Variants in ARHGAP15 observed in about 807,000 individuals in gnomAD.
ARHGAP15 encodes the protein Rho GTPase activating protein 15, also known as rho GTPase-activating protein 15.
ARHGAP15 carries 51 observed loss-of-function variants against 63.7 expected under a neutral mutation model. The observed-to-expected ratio is 0.80, with a 90% CI of 0.64 to 1.01. ARHGAP15 has a LOEUF of 1.01. ARHGAP15 is among the 50% of genes least tolerant of loss of function. The probability of loss-of-function intolerance (pLI) is 0.00; values close to 1 mark genes in which losing one functional copy is unlikely to be tolerated. For synonymous variants in ARHGAP15, 191 were observed against 193.8 expected (o/e 0.99, Z 0.12); for missense variants, 560 against 564.6 (o/e 0.99, Z 0.08).
At chr2:143,587,664 C>G in intron 11 of ARHGAP15, 1 of 462,578 alleles carries the variant, frequency 2.2e-6, no homozygotes, top group Non-Finnish European at 4.5e-6. Flanking sequence ...CCTTCCTTTC[C>G]TTTGTCTTCT....
intron 10 of ARHGAP15, among the ~76,000 whole-genome samples, chr2:143,522,387 C>A (rs934265415): frequency 6.6e-6 from 1 of 152,136 alleles, no homozygotes; most frequent in African/African-American, 2.4e-5. Flanking sequence ...TTCCCGCTTG[C>A]CTTGCCTTTA....
chr2:143,136,721 A>T (rs1273006258), intron 1 of ARHGAP15, among the ~76,000 whole-genome samples: 2 of 152,112 alleles, frequency 1.3e-5, no homozygotes, highest in Non-Finnish European at 2.9e-5. Flanking sequence ...CTCCTTTTAT[A>T]TTACATTTTG....
intron 5 of ARHGAP15, among the ~76,000 whole-genome samples, chr2:143,242,681 A>C (rs1017398197): frequency 6.6e-6 from 1 of 152,232 alleles, no homozygotes; most frequent in African/African-American, 2.4e-5. Context: ...TGTTATTATT[A>C]ACATCATTTA....
chr2:143,695,424 C>T, intron 12 of ARHGAP15, among the ~76,000 whole-genome samples: 1 of 152,096 alleles, frequency 6.6e-6, no homozygotes, highest in East Asian at 1.9e-4. Flanking sequence ...GGAGTGTCAG[C>T]CACTGCCTTA....
intron 9 of ARHGAP15, among the ~76,000 whole-genome samples, chr2:143,514,089 C>T (rs1355217995): frequency 1.3e-5 from 2 of 152,292 alleles, no homozygotes; most frequent in South Asian, 4.1e-4. Context: ...TTTTTTTACA[C>T]GTATCTGCAA....
At chr2:143,350,838 CAAAAAAAAAAAAAA>C (rs59616405) in intron 6 of ARHGAP15, 3 of 57,730 alleles carry the variant, frequency 5.2e-5, no homozygotes, top group Non-Finnish European at 8.9e-5. Context: ...GACTCAGTCT[CAAAAAAAAAAAAAA>C]AAAAAAAAAA....
At chr2:143,651,648 A>G (rs72994430) in intron 12 of ARHGAP15, among the ~76,000 whole-genome samples, 8 of 152,132 alleles carry the variant, frequency 5.3e-5, no homozygotes, top group African/African-American at 1.9e-4. Context: ...GCCAAACTGT[A>G]TTGCAGAGTA....
At chr2:143,282,316 A>C (rs1681890012) in intron 6 of ARHGAP15, among the ~76,000 whole-genome samples, 1 of 152,078 alleles carries the variant, frequency 6.6e-6, no homozygotes, top group Non-Finnish European at 1.5e-5. Context: ...GTTTGTTTGC[A>C]TACTGCTGAT....
chr2:143,518,104 G>T (rs1221318164), intron 9 of ARHGAP15, among the ~76,000 whole-genome samples: 1 of 152,130 alleles, frequency 6.6e-6, no homozygotes, highest in East Asian at 1.9e-4. Context: ...GGTGGTGAGG[G>T]TTGCACAACA....
chr2:143,172,645 G>A (rs934126975), intron 2 of ARHGAP15, among the ~76,000 whole-genome samples: 1 of 152,096 alleles, frequency 6.6e-6, no homozygotes, highest in African/African-American at 2.4e-5. Flanking sequence ...AGTCTTCTGA[G>A]AGTCAAGATG....
chr2:143,395,175 T>C (rs1687706945), intron 6 of ARHGAP15, among the ~76,000 whole-genome samples: 1 of 152,164 alleles, frequency 6.6e-6, no homozygotes, highest in African/African-American at 2.4e-5. Flanking sequence ...TGAGGAACAG[T>C]CATTACTATA....
intron 13 of ARHGAP15, among the ~76,000 whole-genome samples, chr2:143,708,016 T>C (rs932328024): frequency 6.6e-6 from 1 of 152,154 alleles, no homozygotes; most frequent in African/African-American, 2.4e-5. Flanking sequence ...AATAATGGTA[T>C]AGGAGGAGAC....
intron 12 of ARHGAP15, among the ~76,000 whole-genome samples, chr2:143,667,012 C>T (rs71350025): frequency 0.22 from 29,967 of 138,390 alleles, 2,322 homozygotes; most frequent in Admixed American, 0.31. Context: ...GTCAGTGTGG[C>T]GATTCCTCAG....
At chr2:143,207,866 T>C (rs924572407) in intron 3 of ARHGAP15, among the ~76,000 whole-genome samples, 2 of 152,162 alleles carry the variant, frequency 1.3e-5, no homozygotes, top group African/African-American at 4.8e-5. Flanking sequence ...TCAGAACCTA[T>C]GAAGTTTTCT....
rs577844231 is a variant in ARHGAP15 at position 143,466,136 on chromosome 2, G to A, written c.704-21237G>A. The stretch of plus-strand genomic sequence containing the variant: ...CTCGGGTCCCAGCAAATATCCCCAG[G>A]ATGGTAAAATTAGTCCAGAAGAGAA... On this transcript the variant is annotated intron_variant, in intron 8 of 13. Coordinates refer to ENST00000295095, the MANE Select transcript of ARHGAP15 (RefSeq NM_018460.4). 6.1e-4 allele frequency among the ~76,000 whole-genome samples: 92 copies of A among 152,008 alleles called. No homozygotes were observed. In the South Asian group the frequency reaches 8.9e-3, roughly 15 times the overall value.
intron 10 of ARHGAP15, among the ~76,000 whole-genome samples, chr2:143,545,632 A>G (rs1695297243): frequency 6.6e-6 from 1 of 152,128 alleles, no homozygotes; most frequent in African/African-American, 2.4e-5. Flanking sequence ...TGATTTTTAA[A>G]AAGTGAACAG....
intron 9 of ARHGAP15, among the ~76,000 whole-genome samples, chr2:143,503,727 A>C (rs376993998): frequency 3.9e-5 from 6 of 152,238 alleles, no homozygotes; most frequent in Non-Finnish European, 7.3e-5. Flanking sequence ...CTGTGTGCCT[A>C]GACTGTGATT....
At chr2:143,450,860 T>C (rs34491969) in intron 8 of ARHGAP15, among the ~76,000 whole-genome samples, 14,473 of 152,002 alleles carry the variant, frequency 0.095, 859 homozygotes, top group African/African-American at 0.17. Context: ...TGTCTCCATC[T>C]TTTTCTTGTA....
chr2:143,692,895 G>C (rs1412564083), intron 12 of ARHGAP15, among the ~76,000 whole-genome samples: 62 of 152,150 alleles, frequency 4.1e-4, no homozygotes, highest in Non-Finnish European at 5.9e-5. Context: ...ACACATCACT[G>C]CAAGATACTG....
Sources: allele counts gnomAD v4.1 joint callset (sites outside exome capture counted in the v4.1 genomes callset), GRCh38; gene constraint gnomAD v4.1.1; transcripts MANE v1.5; gene names NCBI Gene and HGNC (gene_info 2026-07-23, HGNC 2026-07-21).